The following MACROD2 variants were observed in gnomAD, a reference collection of about 807,000 sequenced individuals.
MACROD2 encodes the protein ADP-ribose glycohydrolase MACROD2.
In MACROD2, 36 loss-of-function variants were observed where a neutral mutation model predicts 70.4. The observed-to-expected ratio is 0.51, with a 90% CI of 0.39 to 0.68. The LOEUF (loss-of-function observed/expected upper bound fraction) is 0.68. Ranked by LOEUF, MACROD2 falls within the 30% of genes least tolerant of loss-of-function variation. The probability of loss-of-function intolerance (pLI) is 0.00; values close to 1 mark genes in which losing one functional copy is unlikely to be tolerated. For missense variants in MACROD2, 496 were observed against 538.4 expected (o/e 0.92, Z 0.78); for synonymous variants, 172 against 178.8 (o/e 0.96, Z 0.30).
At chr20:14,058,502 G>T in intron 2 of MACROD2, among the ~76,000 whole-genome samples, 1 of 150,594 alleles carries the variant, frequency 6.6e-6, no homozygotes, top group East Asian at 1.9e-4. Context: ...TTCATTTGTT[G>T]ATTATATCTT....
intron 8 of MACROD2, among the ~76,000 whole-genome samples, chr20:15,700,440 C>T (rs114108428): frequency 0.014 from 2,131 of 152,320 alleles, 44 homozygotes; most frequent in African/African-American, 0.047. Context: ...AACTCGGCTC[C>T]GAAGTGCCTT....
chr20:14,651,614 T>C (rs1985683955), intron 4 of MACROD2, among the ~76,000 whole-genome samples: 2 of 152,202 alleles, frequency 1.3e-5, no homozygotes, highest in Admixed American at 1.3e-4. Flanking sequence ...TATATTGAAA[T>C]ATAGTCAAGA....
intron 5 of MACROD2, chr20:14,757,832 G>A (rs566768269): frequency 2.7e-4 from 419 of 1,525,300 alleles, no homozygotes; most frequent in Non-Finnish European, 3.4e-4. Context: ...GATTGTGCCT[G>A]CCACTCTATG....
chr20:14,393,917 C>T (rs1023070526), intron 3 of MACROD2, among the ~76,000 whole-genome samples: 1 of 152,106 alleles, frequency 6.6e-6, no homozygotes, highest in Admixed American at 6.5e-5. Context: ...CAGAGCTTTC[C>T]TTCTCTACCA....
At chr20:14,929,988 C>G (rs6042999) in intron 5 of MACROD2, among the ~76,000 whole-genome samples, 21,740 of 151,550 alleles carry the variant, frequency 0.14, 1,703 homozygotes, top group South Asian at 0.18. Flanking sequence ...GGTGAAACCC[C>G]GTCTCTACTA....
At chr20:14,141,747 G>GAA (rs3043659) in intron 3 of MACROD2, among the ~76,000 whole-genome samples, 1 of 66,830 alleles carries the variant, frequency 1.5e-5, no homozygotes, top group Non-Finnish European at 2.6e-5. Flanking sequence ...CTCCATCTCA[G>GAA]AAAAAAAAAA....
At chr20:14,864,781 C>T (rs1479735343) in intron 5 of MACROD2, among the ~76,000 whole-genome samples, 1 of 151,904 alleles carries the variant, frequency 6.6e-6, no homozygotes, top group African/African-American at 2.4e-5. Flanking sequence ...TCTAAAATCC[C>T]AGTTTGCTTT....
chr20:15,587,973 G>A (rs1326899629), intron 8 of MACROD2, among the ~76,000 whole-genome samples: 4 of 152,228 alleles, frequency 2.6e-5, no homozygotes, highest in African/African-American at 9.6e-5. Flanking sequence ...GCCCCAGTAG[G>A]AACTCTGTGT....
intron 9 of MACROD2, among the ~76,000 whole-genome samples, chr20:15,875,509 A>G (rs144945441): frequency 7.2e-5 from 11 of 152,166 alleles, no homozygotes; most frequent in Non-Finnish European, 1.2e-4. Flanking sequence ...TTCTTAGGAA[A>G]TAGGTGCTAA....
intron 3 of MACROD2, among the ~76,000 whole-genome samples, chr20:14,328,403 C>CACAGTGCATTT: frequency 6.6e-6 from 1 of 152,050 alleles, no homozygotes; most frequent in East Asian, 1.9e-4. Flanking sequence ...AACGTGTTGT[C>CACAGTGCATTT]ACAGTGCATT....
At chr20:15,057,223 T>C (rs924442674) in intron 5 of MACROD2, among the ~76,000 whole-genome samples, 5 of 152,236 alleles carry the variant, frequency 3.3e-5, no homozygotes, top group African/African-American at 1.2e-4. Flanking sequence ...CTTTACATGA[T>C]AGGATATATG....
chr20:14,197,158 TC>T (rs2081439366), intron 3 of MACROD2, among the ~76,000 whole-genome samples: 1 of 152,232 alleles, frequency 6.6e-6, no homozygotes. Context: ...ATGCATAATA[TC>T]ATTATTCTTA....
intron 4 of MACROD2, chr20:14,547,597 G>C (rs2145004): frequency 0.44 from 67,647 of 153,788 alleles, 15,610 homozygotes; most frequent in East Asian, 0.65. Flanking sequence ...ACTGAGATAC[G>C]TGAAGCAGAG....
chr20:14,606,755 T>C (rs1312910945), intron 4 of MACROD2, among the ~76,000 whole-genome samples: 1 of 152,202 alleles, frequency 6.6e-6, no homozygotes, highest in African/African-American at 2.4e-5. Context: ...TTTGCTTTTC[T>C]TTTTTAGCAC....
In MACROD2 at chr20:14,553,812, C is replaced by T. The variant is rs149163648; in HGVS notation, c.301+60304C>T. ...AAAGTTGGTCTTACATGAGGTAGGA[C>T]CTGGTCCAATTTGAAGTAAGAAATC... On this transcript the variant is annotated intron_variant, in intron 4 of 17. Coordinates refer to ENST00000684519, the MANE Select transcript of MACROD2 (RefSeq NM_001351661.2). 1.1e-3 allele frequency among the ~76,000 whole-genome samples: 173 copies of T among 152,210 alleles called. 2 individuals are homozygous for T. Among genetic ancestry groups the T allele is most frequent in the African/African-American group, 4.0e-3 (166 of 41,558 alleles).
Position 14,771,737 on chromosome 20 carries a change from TACACACACAC to T in MACROD2, c.418+86796_418+86805del, listed in dbSNP as rs11472593. On this transcript the variant is annotated intron_variant, in intron 5 of 17. Transcript: ENST00000684519. ...ATACACACACACGTTATACTTATCC[TACACACACAC>T]ACACACACACACACACATACACATA... 1.8e-4 allele frequency among the ~76,000 whole-genome samples: 26 copies of T among 145,624 alleles called. No individual in the cohort carries two copies. In the South Asian group the frequency reaches 5.3e-3, roughly 30 times the overall value.
chr20:15,025,203 T>C (rs867448626), intron 5 of MACROD2, among the ~76,000 whole-genome samples: 7 of 152,270 alleles, frequency 4.6e-5, no homozygotes, highest in African/African-American at 1.7e-4. Flanking sequence ...TTGAGAATTA[T>C]ATTTTATAAT....
At chr20:15,105,159 C>G (rs1270490618) in intron 5 of MACROD2, among the ~76,000 whole-genome samples, 1 of 152,082 alleles carries the variant, frequency 6.6e-6, no homozygotes, top group Non-Finnish European at 1.5e-5. Context: ...AACTGGAAGG[C>G]CTAGGTGCAG....
chr20:15,735,202 C>T (rs938094321), intron 8 of MACROD2, among the ~76,000 whole-genome samples: 3 of 152,130 alleles, frequency 2.0e-5, no homozygotes, highest in Non-Finnish European at 4.4e-5. Context: ...CTCAAGCAAT[C>T]TGCTTGCCTC....
Sources: allele counts gnomAD v4.1 joint callset (sites outside exome capture counted in the v4.1 genomes callset), GRCh38; gene constraint gnomAD v4.1.1; transcripts MANE v1.5; gene names NCBI Gene and HGNC (gene_info 2026-07-23, HGNC 2026-07-21).